The following SENP5 variants were observed in gnomAD, a reference collection of about 807,000 sequenced individuals.
The protein encoded by SENP5 is SUMO specific peptidase 5.
In SENP5, 21 loss-of-function variants were observed where a neutral mutation model predicts 74.2. The ratio of observed to expected loss-of-function variants is 0.28; its 90% confidence interval spans 0.20 to 0.41. SENP5 has a LOEUF of 0.41. Among genes scored for constraint, SENP5 ranks in the 10% least tolerant of loss-of-function variants. SENP5 has a pLI of 1.00. For synonymous variants in SENP5, 311 were observed against 312.7 expected, an observed-to-expected ratio of 0.99 and a Z score of 0.06; for missense variants, 717 against 889.1, an observed-to-expected ratio of 0.81 and a Z score of 2.46.
In SENP5 at chr3:196,926,639, CT is replaced by C. The variant is rs1192258612; in HGVS notation, c.2023-1140del. 9.0e-4 allele frequency among the ~76,000 whole-genome samples: 114 copies of C among 126,654 alleles called. 1 individual carries two copies. The highest frequency in any genetic ancestry group is 8.7e-4 in the East Asian group (4 of 4,588). 83.1% of individuals were successfully genotyped at this position (126,654 alleles called of 152,430 possible). Reference sequence around the variant, plus strand: ...TCTGAAGAGGTGGCTTCCAGTCCACCTTTTTTTTTTTTTTTTTGAGTCAGAG... The same window carrying C: ...TCTGAAGAGGTGGCTTCCAGTCCACCTTTTTTTTTTTTTTTTGAGTCAGAG... On this transcript the variant is annotated intron_variant, in intron 7 of 9. Coordinates refer to ENST00000323460, the MANE Select transcript of SENP5 (RefSeq NM_152699.5).
At chr3:196,928,980 A>G (rs1299238187) in intron 8 of SENP5, among the ~76,000 whole-genome samples, 1 of 152,136 alleles carries the variant, frequency 6.6e-6, no homozygotes, top group South Asian at 2.1e-4. Context: ...GCGTGAGTCT[A>G]GGAGTTCAAG....
At chr3:196,915,705 G>GGA (rs1407711426) in intron 6 of SENP5, among the ~76,000 whole-genome samples, 1 of 152,138 alleles carries the variant, frequency 6.6e-6, no homozygotes, top group Non-Finnish European at 1.5e-5. Flanking sequence ...AGCCCATCAT[G>GGA]GAGAGAGAGA....
Position 196,886,533 on chromosome 3 carries a change from G to A in SENP5, c.1352G>A (p.Ser451Asn). The change falls in exon 2 of 10, where the codon AGC becomes AAC. Residue 451 changes from serine to asparagine, a missense_variant. By Grantham distance (46) the Ser-to-Asn change is conservative (BLOSUM62 1). Around this residue, in one of 4 missense-constraint regions of SENP5, gnomAD observed 567 missense variants for 577.4 expected, o/e 0.98. Transcript: ENST00000323460. ...QMEEDGSLKQSILSSELLDHP... is the reference protein window; with the variant it reads ...QMEEDGSLKQNILSSELLDHP... Reference sequence around the variant, plus strand: ...GAGGAGGATGGATCTCTCAAGCAGAGCATTCTTAGTTCTGAGTTGCTGGAC... The same window carrying A: ...GAGGAGGATGGATCTCTCAAGCAGAACATTCTTAGTTCTGAGTTGCTGGAC... 1 of 1,613,752 alleles carries A rather than the reference G, an allele frequency of 6.2e-7. No individual in the cohort carries two copies. Among genetic ancestry groups the A allele is most frequent in the Non-Finnish European group, 8.5e-7 (1 of 1,179,804 alleles).
intron 6 of SENP5, among the ~76,000 whole-genome samples, chr3:196,916,344 A>C (rs1271072583): frequency 3.9e-5 from 6 of 151,980 alleles, no homozygotes; most frequent in Non-Finnish European, 7.4e-5. Context: ...AACAAACAAA[A>C]AAAACATGCA....
rs114502698 is a variant in SENP5 at position 196,921,819 on chromosome 3, G to T, written c.1885-1595G>T. The stretch of plus-strand genomic sequence containing the variant: ...TATTTGAGTATCAGAAAGCGAGAAG[G>T]AAATCTTGGGAAATTAGTTTCAGAG... On this transcript the variant is annotated intron_variant, in intron 6 of 9. Transcript: ENST00000323460. Among the ~76,000 whole-genome samples the T allele has an allele frequency of 2.9e-3, 441 of 152,284 alleles. 6 individuals carry two copies. Among genetic ancestry groups the T allele is most frequent in the African/African-American group, 0.01 (430 of 41,556 alleles).
chr3:196,919,114 C>CAG (rs369793722), intron 6 of SENP5, among the ~76,000 whole-genome samples: 294 of 151,426 alleles, frequency 1.9e-3, no homozygotes, highest in African/African-American at 5.4e-3. Context: ...GGAAAAGAGC[C>CAG]AGAGAGAGAG....
At chr3:196,888,454 G>A (rs1190177464) in intron 2 of SENP5, among the ~76,000 whole-genome samples, 2 of 151,998 alleles carry the variant, frequency 1.3e-5, no homozygotes, top group African/African-American at 2.4e-5. Flanking sequence ...GTTGTGGTGC[G>A]TGTCTGTGAT....
intron 6 of SENP5, among the ~76,000 whole-genome samples, chr3:196,907,758 A>C (rs957284820): frequency 1.3e-5 from 2 of 152,132 alleles, no homozygotes; most frequent in Non-Finnish European, 2.9e-5. Context: ...AAACAAAAAA[A>C]ATTGCAAAAA....
chr3:196,895,826 A>G (rs1714421410), intron 2 of SENP5, among the ~76,000 whole-genome samples: 1 of 152,136 alleles, frequency 6.6e-6, no homozygotes, highest in Admixed American at 6.5e-5. Context: ...CTGGCCGGGT[A>G]CTTTAAATTC....
chr3:196,932,786 T>G lies in SENP5; in HGVS notation c.*1863T>G, dbSNP rs1218264029. 3.0e-5 allele frequency: 4 copies of G among 133,196 alleles called. No individual in the cohort carries two copies. Among genetic ancestry groups the G allele is most frequent in the African/African-American group, 1.2e-4 (4 of 34,440 alleles). The allele number at this position is 133,196 out of a possible 1,614,324, so 8.3% of individuals were successfully genotyped here. A position where few individuals can be genotyped will look rare whatever the true frequency, so the allele number is the denominator to read the frequency against. ...GGGTGTGGTATACCAAAGTAGCCAG[T>G]CACTGGGCTGTCAGTTCAAAATGTC... On this transcript the variant is annotated 3_prime_UTR_variant, in exon 10 of 10. Coordinates refer to ENST00000323460, the MANE Select transcript of SENP5 (RefSeq NM_152699.5).
intron 6 of SENP5, among the ~76,000 whole-genome samples, chr3:196,923,101 A>AC: frequency 6.6e-6 from 1 of 152,218 alleles, no homozygotes; most frequent in Admixed American, 6.5e-5. Flanking sequence ...CAAGAGTTGA[A>AC]TCCAGGTTAA....
At chr3:196,898,584 G>C (rs914659863) in intron 2 of SENP5, among the ~76,000 whole-genome samples, 2 of 151,874 alleles carry the variant, frequency 1.3e-5, no homozygotes, top group South Asian at 4.2e-4. Flanking sequence ...GATAGAAAGA[G>C]ACCCCATCTC....
At chr3:196,869,551 G>A (rs952423997) in intron 1 of SENP5, among the ~76,000 whole-genome samples, 6 of 151,476 alleles carry the variant, frequency 4.0e-5, no homozygotes, top group Non-Finnish European at 8.8e-5. Flanking sequence ...ACCTGAGGTC[G>A]GGAGTTCGAG....
Position 196,930,977 on chromosome 3 carries a change from C to CAA in SENP5, c.*54_*55insAA. On this transcript the variant is annotated 3_prime_UTR_variant, in exon 10 of 10. Transcript: ENST00000323460. ...CCAAGTTGGAGCAGATGGTTTGTTACTTGAATCTCCAAACACTTAGTTGAA... is the reference window on the plus strand; with the variant it reads ...CCAAGTTGGAGCAGATGGTTTGTTACAATTGAATCTCCAAACACTTAGTTGAA... 3 of 1,100,630 alleles carry CAA rather than the reference C, an allele frequency of 2.7e-6. No homozygotes were observed. The highest frequency in any genetic ancestry group is 4.2e-6 in the Non-Finnish European group (3 of 714,226). The allele number at this position is 1,100,630 out of a possible 1,614,324, so 68.2% of individuals were successfully genotyped here.
intron 6 of SENP5, among the ~76,000 whole-genome samples, chr3:196,912,142 A>G (rs1715160980): frequency 6.6e-6 from 1 of 152,182 alleles, no homozygotes; most frequent in Non-Finnish European, 1.5e-5. Context: ...TATTTATTGC[A>G]GTACTCATAG....
At chr3:196,886,906 C>T (rs1714000628) in intron 2 of SENP5, among the ~76,000 whole-genome samples, 1 of 152,028 alleles carries the variant, frequency 6.6e-6, no homozygotes, top group African/African-American at 2.4e-5. Flanking sequence ...TTTTCATAAG[C>T]TAATAGTGCG....
chr3:196,873,201 G>A (rs978197533), intron 1 of SENP5, among the ~76,000 whole-genome samples: 7 of 150,826 alleles, frequency 4.6e-5, no homozygotes, highest in Non-Finnish European at 7.4e-5. Flanking sequence ...AGCCTCCCAA[G>A]TAGCTGAGAT....
At chr3:196,909,324 A>G (rs954322873) in intron 6 of SENP5, among the ~76,000 whole-genome samples, 3 of 152,222 alleles carry the variant, frequency 2.0e-5, no homozygotes, top group Admixed American at 2.0e-4. Context: ...GCCAAATTCT[A>G]CCAGAGGTAC....
chr3:196,927,913 T>G (rs780545425), intron 8 of SENP5, 34 bp downstream of exon 8: 4 of 1,364,600 alleles, frequency 2.9e-6, no homozygotes, highest in Non-Finnish European at 4.2e-6. Context: ...CCCAGGCATG[T>G]CCAGGGGATG....
Sources: allele counts gnomAD v4.1 joint callset (sites outside exome capture counted in the v4.1 genomes callset), GRCh38; gene constraint gnomAD v4.1.1; regional missense constraint gnomAD v4.1.1; transcripts MANE v1.5; gene names NCBI Gene and HGNC (gene_info 2026-07-23, HGNC 2026-07-21).